CALD1: variants seen among roughly 807,000 people sequenced by gnomAD.
The protein encoded by CALD1 is caldesmon 1.
In CALD1, 33 loss-of-function variants were observed where a neutral mutation model predicts 99.9. That is an observed-to-expected ratio of 0.33 (90% confidence interval 0.25 to 0.44). The LOEUF (loss-of-function observed/expected upper bound fraction) is 0.44, where lower values mean the gene tolerates loss of function less well. Among genes scored for constraint, CALD1 ranks in the 20% least tolerant of loss-of-function variants. CALD1 has a pLI of 1.00. For synonymous variants in CALD1, 310 were observed against 325.0 expected (o/e 0.95, Z 0.50); for missense variants, 861 against 962.1 (o/e 0.89, Z 1.39).
chr7:134,862,304 T>C (rs1273729241), intron 2 of CALD1, among the ~76,000 whole-genome samples: 1 of 152,170 alleles, frequency 6.6e-6, no homozygotes, highest in Admixed American at 6.5e-5. Context: ...TGTATGCACT[T>C]TGAAATTCCA....
At chr7:134,955,399 GA>G (rs1339605454) in intron 9 of CALD1, among the ~76,000 whole-genome samples, 2 of 152,110 alleles carry the variant, frequency 1.3e-5, no homozygotes, top group African/African-American at 4.8e-5. Flanking sequence ...AAAAGAAAAA[GA>G]AAAAGACCTT....
chr7:134,934,680 G>T (rs1306004169), intron 5 of CALD1, among the ~76,000 whole-genome samples: 1 of 152,024 alleles, frequency 6.6e-6, no homozygotes, highest in Non-Finnish European at 1.5e-5. Flanking sequence ...TCAGGAGATC[G>T]AGACCATCCT....
At chr7:134,846,280 CT>C (rs1236448783) in intron 2 of CALD1, among the ~76,000 whole-genome samples, 13 of 150,462 alleles carry the variant, frequency 8.6e-5, no homozygotes, top group Non-Finnish European at 1.3e-4. Flanking sequence ...GGCTGTGCCT[CT>C]TTTGCCCTGA....
Position 134,955,104 on chromosome 7 carries a change from C to G in CALD1, c.1936-2965C>G, listed in dbSNP as rs564212739. On this transcript the variant is annotated intron_variant, in intron 9 of 14. Transcript: ENST00000361675. The stretch of plus-strand genomic sequence containing the variant: ...TTCTGTGTTCCTTAAAGAATAAGAC[C>G]TTGTCAGTCAGGCACAGTGGTTCAC... Among the ~76,000 whole-genome samples, 4 of 152,148 alleles carry G rather than the reference C, an allele frequency of 2.6e-5. No homozygotes were observed. The South Asian group carries it at 8.3e-4, about 32-fold the overall frequency.
At chr7:134,743,910 G>A (rs1009978065), upstream of CALD1, among the ~76,000 whole-genome samples, 1 of 152,198 alleles carries the variant, frequency 6.6e-6, no homozygotes, top group African/African-American at 2.4e-5. Flanking sequence ...GTCTATTTTA[G>A]TATGATCCTC....
At chr7:134,954,379 T>C (rs557060776) in intron 9 of CALD1, among the ~76,000 whole-genome samples, 1 of 152,330 alleles carries the variant, frequency 6.6e-6, no homozygotes, top group East Asian at 1.9e-4. Context: ...CCAAGTTTTA[T>C]CGAGACAATA....
chr7:134,772,010 T>C (rs1231255229), intron 1 of CALD1, among the ~76,000 whole-genome samples: 2 of 152,176 alleles, frequency 1.3e-5, no homozygotes, highest in African/African-American at 4.8e-5. Context: ...AAATGTATCT[T>C]GTTCACAACA....
chr7:134,865,857 G>A (rs1397062873), intron 2 of CALD1, among the ~76,000 whole-genome samples: 1 of 152,202 alleles, frequency 6.6e-6, no homozygotes. Context: ...TAAATTTGAT[G>A]AGGTAGGAGC....
At chr7:134,912,122 G>T (rs538681689) in intron 3 of CALD1, among the ~76,000 whole-genome samples, 1 of 152,310 alleles carries the variant, frequency 6.6e-6, no homozygotes, top group South Asian at 2.1e-4. Context: ...AAGCTTTACT[G>T]ATGTTCGTTA....
chr7:134,870,880 G>C (rs755335800), intron 3 of CALD1, among the ~76,000 whole-genome samples: 2 of 152,098 alleles, frequency 1.3e-5, no homozygotes, highest in African/African-American at 2.4e-5. Flanking sequence ...CACCCTTCAG[G>C]ATTTTGTAAA....
At chr7:134,761,686 A>G (rs1171367633) in intron 1 of CALD1, among the ~76,000 whole-genome samples, 3 of 151,820 alleles carry the variant, frequency 2.0e-5, no homozygotes, top group Non-Finnish European at 4.4e-5. Context: ...CTGTGTTAGA[A>G]CTCTTCCTGT....
chr7:134,754,476 T>TC (rs1280769956), intron 1 of CALD1, among the ~76,000 whole-genome samples: 2 of 152,222 alleles, frequency 1.3e-5, no homozygotes, highest in African/African-American at 4.8e-5. Context: ...GCTCTAATTT[T>TC]CAACCAAATA....
At chr7:134,793,192 C>T (rs917305763) in intron 1 of CALD1, among the ~76,000 whole-genome samples, 2 of 152,222 alleles carry the variant, frequency 1.3e-5, no homozygotes, top group Admixed American at 6.5e-5. Flanking sequence ...AGGGAGGCAG[C>T]CACAGAGGGA....
intron 1 of CALD1, among the ~76,000 whole-genome samples, chr7:134,800,681 T>C (rs1011165716): frequency 3.9e-5 from 6 of 152,202 alleles, no homozygotes; most frequent in African/African-American, 1.4e-4. Context: ...TATCATTTAA[T>C]GTATGAGATA....
At chr7:134,720,530 A>T in the CALD1 span, among the ~76,000 whole-genome samples, 1 of 152,214 alleles carries the variant, frequency 6.6e-6, no homozygotes, top group African/African-American at 2.4e-5. Flanking sequence ...GTACAATGAT[A>T]AATGTCTCCT....
intron 3 of CALD1, among the ~76,000 whole-genome samples, chr7:134,882,346 T>G (rs576173701): frequency 6.6e-6 from 1 of 152,300 alleles, no homozygotes; most frequent in South Asian, 2.1e-4. Flanking sequence ...ATCTCATGTA[T>G]TTTTTTGATT....
chr7:134,946,548 T>C (rs1193778352), intron 7 of CALD1, among the ~76,000 whole-genome samples: 1 of 152,246 alleles, frequency 6.6e-6, no homozygotes, highest in African/African-American at 2.4e-5. Flanking sequence ...ATTTGACTAC[T>C]TTAGATCCCT....
chr7:134,727,287 AGT>A, the CALD1 span, among the ~76,000 whole-genome samples: 1 of 152,244 alleles, frequency 6.6e-6, no homozygotes, highest in Non-Finnish European at 1.5e-5. Flanking sequence ...GTGCTTTGCA[AGT>A]CAAACAGGCG....
intron 9 of CALD1, among the ~76,000 whole-genome samples, chr7:134,951,218 T>C (rs1017159834): frequency 1.2e-4 from 19 of 152,208 alleles, no homozygotes; most frequent in South Asian, 6.2e-4. Context: ...AAGGACTCAG[T>C]TTCAACATAT....
Sources: gnomAD v4.1 joint callset for allele counts (sites outside exome capture counted in the v4.1 genomes callset) on GRCh38, gnomAD v4.1.1 for gene constraint, MANE v1.5 for transcripts, NCBI Gene and HGNC (gene_info 2026-07-23, HGNC 2026-07-21) for gene names.